Variants in RAB3IP observed in about 807,000 individuals in gnomAD.
The protein encoded by RAB3IP is rab-3A-interacting protein.
Under a neutral mutation model 59.1 loss-of-function variants are expected in RAB3IP, and 36 were observed. The ratio of observed to expected loss-of-function variants is 0.61; its 90% CI spans 0.47 to 0.80. The LOEUF (loss-of-function observed/expected upper bound fraction) is 0.80. Among genes scored for constraint, RAB3IP ranks in the 30% least tolerant of loss-of-function variants. The pLI, the probability that RAB3IP is intolerant of heterozygous loss-of-function variation, is 0.00. For synonymous variants in RAB3IP, 207 were observed against 191.2 expected (o/e 1.08, Z -0.68); for missense variants, 511 against 536.0 (o/e 0.95, Z 0.46).
intron 3 of RAB3IP, among the ~76,000 whole-genome samples, chr12:69,766,876 G>A (rs978003137): frequency 2.6e-5 from 4 of 152,110 alleles, no homozygotes; most frequent in Non-Finnish European, 4.4e-5. Flanking sequence ...TTATTTCCTG[G>A]ATTGCTTTAG....
chr12:69,763,320 A>T (rs1871664488), intron 3 of RAB3IP, among the ~76,000 whole-genome samples: 1 of 152,200 alleles, frequency 6.6e-6, no homozygotes, highest in East Asian at 1.9e-4. Flanking sequence ...TCTTTCTGCT[A>T]AAACTGTGAC....
At chr12:69,806,478 T>C (rs1331842859) in intron 8 of RAB3IP, among the ~76,000 whole-genome samples, 2 of 152,080 alleles carry the variant, frequency 1.3e-5, no homozygotes, top group African/African-American at 4.8e-5. Context: ...TTTGAAGGGT[T>C]TTTTGCGTCT....
intron 8 of RAB3IP, among the ~76,000 whole-genome samples, chr12:69,806,656 A>G (rs1248546062): frequency 6.8e-6 from 1 of 146,988 alleles, no homozygotes; most frequent in Non-Finnish European, 1.5e-5. Context: ...ATAGGATAAT[A>G]GTGGAGAGAT....
chr12:69,758,873 A>G (rs1870699165), intron 3 of RAB3IP, among the ~76,000 whole-genome samples: 2 of 147,204 alleles, frequency 1.4e-5, no homozygotes, highest in Non-Finnish European at 3.0e-5. Flanking sequence ...AAACACTTTC[A>G]TAATTTTACG....
rs1444028241 is a variant in RAB3IP at position 69,755,626 on chromosome 12, G to C, written c.218G>C (p.Arg73Thr). ...ACACAACCCGTGTATTCATCCCCCA[G>C]ACGTTTAAATTGTGCGGAAATATCT... Reference protein sequence around the residue: ...LPTQPVYSSPRRLNCAEISSI... With the variant: ...LPTQPVYSSPTRLNCAEISSI... The change falls in exon 2 of 11, where the codon AGA becomes ACA. Residue 73 changes from arginine to threonine, a missense_variant. By Grantham distance (71) the Arg-to-Thr change is moderately conservative. Coordinates refer to ENST00000247833, the MANE Select transcript of RAB3IP (RefSeq NM_022456.5). The C allele has an allele frequency of 6.2e-7, 1 of 1,613,446 alleles. No homozygotes were observed. The highest frequency in any genetic ancestry group is 8.5e-7 in the Non-Finnish European group (1 of 1,179,798).
chr12:69,806,570 G>GTTTTTTTTTTTTTTTTT (rs35262716), intron 8 of RAB3IP, among the ~76,000 whole-genome samples: 20 of 68,470 alleles, frequency 2.9e-4, no homozygotes, highest in African/African-American at 5.1e-4. Flanking sequence ...TGCTTCTCTA[G>GTTTTTTTTTTTTTTTTT]TTTTTTTTTT....
At chr12:69,815,274 T>C in intron 10 of RAB3IP, 90 bp from the exon 11 acceptor site, 1 of 915,612 alleles carries the variant, frequency 1.1e-6, no homozygotes, top group East Asian at 2.6e-5. Flanking sequence ...AATGCACAAT[T>C]GACATTTCAG....
Position 69,799,785 on chromosome 12 carries a change from T to G in RAB3IP, c.889-424T>G, listed in dbSNP as rs557289077. Among the ~76,000 whole-genome samples the G allele has an allele frequency of 2.0e-4, 30 of 152,278 alleles. No homozygotes were observed. The East Asian group carries it at 5.6e-3, about 28-fold the overall frequency. On this transcript the variant is annotated intron_variant, in intron 6 of 10. Transcript: ENST00000247833. ...ATAATTAATTAGGTTCCAAATTACC[T>G]TTTTATTGTTTTCAGAAAAGACTTG...
intron 3 of RAB3IP, among the ~76,000 whole-genome samples, chr12:69,768,963 G>C (rs1872669705): frequency 6.6e-6 from 1 of 152,112 alleles, no homozygotes; most frequent in Non-Finnish European, 1.5e-5. Flanking sequence ...TGTTGTGGGA[G>C]GGACCCTGTG....
intron 8 of RAB3IP, among the ~76,000 whole-genome samples, chr12:69,804,663 A>G (rs1368782967): frequency 6.6e-6 from 1 of 152,090 alleles, no homozygotes; most frequent in African/African-American, 2.4e-5. Flanking sequence ...ATCTTGAATT[A>G]ATTTTTGTAT....
intron 4 of RAB3IP, among the ~76,000 whole-genome samples, chr12:69,788,764 A>G (rs1876135015): frequency 6.6e-6 from 1 of 152,148 alleles, no homozygotes; most frequent in East Asian, 1.9e-4. Context: ...CATTCTTCTC[A>G]GGTGCACATG....
chr12:69,769,054 T>TG lies in RAB3IP; in HGVS notation c.510+12397dup, dbSNP rs1002748139. Reference sequence around the variant, plus strand: ...ATAAGTATGAGGTCTGATGGTTTTATGGGGGGTAGTTTCCCTGCTCAATCT... The same window carrying TG: ...ATAAGTATGAGGTCTGATGGTTTTATGGGGGGGTAGTTTCCCTGCTCAATCT... On this transcript the variant is annotated intron_variant, in intron 3 of 10. Coordinates refer to ENST00000247833, the MANE Select transcript of RAB3IP (RefSeq NM_022456.5). Among the ~76,000 whole-genome samples, 27 of 152,202 alleles carry TG rather than the reference T, an allele frequency of 1.8e-4. 1 individual carries two copies. Among genetic ancestry groups the TG allele is most frequent in the Admixed American group, 1.5e-3 (23 of 15,284 alleles).
chr12:69,808,229 A>T (rs1357858296), intron 8 of RAB3IP, among the ~76,000 whole-genome samples: 1 of 152,114 alleles, frequency 6.6e-6, no homozygotes, highest in East Asian at 1.9e-4. Context: ...CCTGAGTTCT[A>T]GTTTGATTGC....
At chr12:69,804,300 T>C (rs905811593) in intron 8 of RAB3IP, among the ~76,000 whole-genome samples, 6 of 152,258 alleles carry the variant, frequency 3.9e-5, no homozygotes, top group African/African-American at 1.4e-4. Flanking sequence ...ATGTCTTCTT[T>C]TGACAAATGT....
chr12:69,811,209 A>G (rs930774863), intron 8 of RAB3IP, among the ~76,000 whole-genome samples: 1 of 152,154 alleles, frequency 6.6e-6, no homozygotes, highest in Admixed American at 6.5e-5. Context: ...ATAGAAGGGA[A>G]CAACACACAC....
intron 1 of RAB3IP, among the ~76,000 whole-genome samples, chr12:69,752,025 A>G (rs1393806249): frequency 7.9e-6 from 1 of 126,216 alleles, no homozygotes; most frequent in African/African-American, 3.0e-5. Flanking sequence ...TTTTTTCAGG[A>G]TAGGGTCTCG....
In RAB3IP at chr12:69,822,538, T is replaced by TG. The variant is rs771440907; in HGVS notation, c.*7098dup. On this transcript the variant is annotated 3_prime_UTR_variant, in exon 11 of 11. Transcript: ENST00000247833. ...AGAGGCTGGGAAGGGTAATGGGGGTTGGGGGGTGGGAGGATAAAGGGGTTG... is the reference window on the plus strand; with the variant it reads ...AGAGGCTGGGAAGGGTAATGGGGGTTGGGGGGGTGGGAGGATAAAGGGGTTG... 1.3e-4 allele frequency: 7 copies of TG among 51,958 alleles called. No homozygotes were observed. The highest frequency in any genetic ancestry group is 2.3e-4 in the African/African-American group (3 of 13,042). The allele number at this position is 51,958 out of a possible 1,614,324, so 3.2% of individuals were successfully genotyped here.
intron 3 of RAB3IP, among the ~76,000 whole-genome samples, chr12:69,766,713 A>G (rs577540723): frequency 2.0e-5 from 3 of 151,326 alleles, no homozygotes; most frequent in South Asian, 4.2e-4. Flanking sequence ...TTCAGTTGAG[A>G]TGGGGTTTCA....
At chr12:69,760,245 C>T (rs1016781383) in intron 3 of RAB3IP, among the ~76,000 whole-genome samples, 13 of 152,266 alleles carry the variant, frequency 8.5e-5, no homozygotes, top group African/African-American at 1.9e-4. Context: ...TCAGGCGTGG[C>T]GGCGTGCGCC....
Sources: allele counts gnomAD v4.1 joint callset (sites outside exome capture counted in the v4.1 genomes callset), GRCh38; gene constraint gnomAD v4.1.1; transcripts MANE v1.5; gene names NCBI Gene and HGNC (gene_info 2026-07-23, HGNC 2026-07-21).